TMX4: variants seen among roughly 807,000 people sequenced by gnomAD.
The protein encoded by TMX4 is thioredoxin related transmembrane protein 4.
Under a neutral mutation model 33.3 loss-of-function variants are expected in TMX4, and 23 were observed. The ratio of observed to expected loss-of-function variants is 0.69; its 90% confidence interval spans 0.50 to 0.98. TMX4 has a LOEUF of 0.98. Among genes scored for constraint, TMX4 ranks in the 50% least tolerant of loss-of-function variants. The pLI, the probability that TMX4 is intolerant of heterozygous loss-of-function variation, is 0.00. For missense variants in TMX4, 399 were observed against 448.9 expected (o/e 0.89, Z 1.01); for synonymous variants, 164 against 161.5 (o/e 1.02, Z -0.12).
intron 1 of TMX4, among the ~76,000 whole-genome samples, chr20:8,015,148 A>C (rs1235514550): frequency 4.6e-5 from 7 of 152,160 alleles, no homozygotes; most frequent in African/African-American, 1.7e-4. Flanking sequence ...GATGATGAGG[A>C]AGTGGAGGAG....
chr20:7,990,983 C>T (rs1039213891), intron 5 of TMX4, among the ~76,000 whole-genome samples: 17 of 151,998 alleles, frequency 1.1e-4, no homozygotes, highest in South Asian at 2.1e-4. Context: ...CATTTTTATA[C>T]GAAAAAAACA....
intron 1 of TMX4, among the ~76,000 whole-genome samples, chr20:8,014,852 G>T (rs1278481105): frequency 6.6e-6 from 1 of 152,188 alleles, no homozygotes; most frequent in Non-Finnish European, 1.5e-5. Context: ...CTAGCTGAGG[G>T]CCAAAGCAAG....
Position 7,992,735 on chromosome 20 carries a change from T to A in TMX4, c.513+3291A>T, listed in dbSNP as rs950126723. ...TCTCCAGAATGTGCAACCTAGCAAG[T>A]TGGCTTCACTTCTAAGGCAGAAAGA... is the stretch of plus-strand genomic sequence containing the variant. On this transcript the variant is annotated intron_variant, in intron 5 of 7. Transcript: ENST00000246024. Among the ~76,000 whole-genome samples the A allele has an allele frequency of 4.6e-5, 7 of 152,168 alleles. No individual in the cohort carries two copies. The South Asian group carries it at 1.0e-3, about 23-fold the overall frequency.
intron 5 of TMX4, among the ~76,000 whole-genome samples, chr20:7,988,762 T>C (rs2050641062): frequency 1.3e-5 from 2 of 152,308 alleles, no homozygotes; most frequent in South Asian, 4.2e-4. Context: ...CGGTGACTCA[T>C]GCCTGTAATC....
Position 7,984,076 on chromosome 20 carries a change from A to T in TMX4, c.616-219T>A, listed in dbSNP as rs997248389. On this transcript the variant is annotated intron_variant, in intron 6 of 7. Transcript: ENST00000246024. ...TAATTTAGAAAGTGGTCACAAAGCC[A>T]AAAGTCTACAGAGAACCCACTATAA... is the stretch of plus-strand genomic sequence containing the variant. Among the ~76,000 whole-genome samples, 4 of 152,390 alleles carry T rather than the reference A, an allele frequency of 2.6e-5. No individual in the cohort carries two copies. The South Asian group carries it at 8.3e-4, about 32-fold the overall frequency.
intron 2 of TMX4, among the ~76,000 whole-genome samples, chr20:8,006,314 C>T (rs1336742045): frequency 6.6e-6 from 1 of 152,182 alleles, no homozygotes; most frequent in East Asian, 1.9e-4. Context: ...AATAGATCTA[C>T]TGATGGAAGA....
intron 1 of TMX4, among the ~76,000 whole-genome samples, chr20:8,018,481 G>GGGGAGA (rs2050791898): frequency 7.3e-5 from 1 of 13,710 alleles, no homozygotes; most frequent in Non-Finnish European, 1.2e-4. Flanking sequence ...GGAGGGAGGG[G>GGGGAGA]GAGAGAGAGA....
In TMX4 at chr20:8,007,652, T is replaced by C. The variant is rs745792906; in HGVS notation, c.292+2548A>G. ...CTCAAGTACTCCACTGGTGGTCCTA[T>C]TGTTCTCCAAATAAGCCAAGTACAC... is the stretch of plus-strand genomic sequence containing the variant. On this transcript the variant is annotated intron_variant, in intron 2 of 7. Transcript: ENST00000246024. Among the ~76,000 whole-genome samples, 39 of 152,302 alleles carry C rather than the reference T, an allele frequency of 2.6e-4. 1 individual carries two copies. Among genetic ancestry groups the C allele is most frequent in the African/African-American group, 6.7e-4 (28 of 41,566 alleles).
At position 7,980,706 on chromosome 20, in the gene TMX4, A is replaced by G. The variant is rs970678753; in HGVS notation, c.*1545T>C. ...TGAATTGGAAAGATGAAAAAGAACC[A>G]TCTCTAAAAGTTGATGCTGTCAGAA... On this transcript the variant is annotated 3_prime_UTR_variant, in exon 8 of 8. Coordinates refer to ENST00000246024, the MANE Select transcript of TMX4 (RefSeq NM_021156.4). 3.3e-5 allele frequency: 5 copies of G among 152,372 alleles called. No homozygotes were observed. Among genetic ancestry groups the G allele is most frequent in the African/African-American group, 1.2e-4 (5 of 41,582 alleles). 9.4% of individuals were successfully genotyped at this position (152,372 alleles called of 1,614,324 possible).
rs1460075768 is a variant in TMX4 at position 7,987,359 on chromosome 20, C to T, written c.544G>A (p.Gly182Arg). The change falls in exon 6 of 8, where the codon GGA (glycine) becomes AGA (arginine). Residue 182 changes from glycine to arginine, a missense_variant. Coordinates refer to ENST00000246024, the MANE Select transcript of TMX4 (RefSeq NM_021156.4). ...ACATAAGAACACCAAGCAGGAATTCCAAGAGTCACTGTGAAATAGTTGTGA... is the reference window on the plus strand; with the variant it reads ...ACATAAGAACACCAAGCAGGAATTCTAAGAGTCACTGTGAAATAGTTGTGA... ...HLHNYFTVTL[G>R]IPAWCSYVFF... is the part of the protein sequence containing the mutation. 2 of 1,593,410 alleles carry T rather than the reference C, an allele frequency of 1.3e-6. No individual in the cohort carries two copies. Among genetic ancestry groups the T allele is most frequent in the African/African-American group, 1.4e-5 (1 of 73,480 alleles).
At chr20:8,006,628 G>C (rs2050731675) in intron 2 of TMX4, among the ~76,000 whole-genome samples, 1 of 152,152 alleles carries the variant, frequency 6.6e-6, no homozygotes. Context: ...TGCCCTGGAG[G>C]CTTGCCAGTG....
chr20:7,991,179 T>C (rs2050652994), intron 5 of TMX4, among the ~76,000 whole-genome samples: 1 of 152,184 alleles, frequency 6.6e-6, no homozygotes, highest in South Asian at 2.1e-4. Flanking sequence ...ACACAGATTG[T>C]CCTCCCAAGG....
At chr20:7,996,500 C>G (rs2050677065) in intron 4 of TMX4, among the ~76,000 whole-genome samples, 1 of 152,174 alleles carries the variant, frequency 6.6e-6, no homozygotes, top group South Asian at 2.1e-4. Context: ...CCCATGTACT[C>G]AGCTAACAAG....
intron 6 of TMX4, 89 bp downstream of exon 6, chr20:7,987,199 T>TA: frequency 1.1e-6 from 1 of 933,374 alleles, no homozygotes. Context: ...TACTATTTTT[T>TA]ATGTGCTTTT....
intron 5 of TMX4, among the ~76,000 whole-genome samples, chr20:7,991,619 G>A (rs553506784): frequency 6.9e-4 from 105 of 152,150 alleles, no homozygotes; most frequent in African/African-American, 2.4e-3. Context: ...CAACTGCCAC[G>A]GAACCCTATT....
chr20:7,994,505 AT>A (rs2050667863), intron 5 of TMX4, among the ~76,000 whole-genome samples: 1 of 152,212 alleles, frequency 6.6e-6, no homozygotes, highest in South Asian at 2.1e-4. Flanking sequence ...TAAGCTCCAA[AT>A]TACAAGCTAT....
intron 3 of TMX4, among the ~76,000 whole-genome samples, chr20:8,000,929 T>C (rs2122868209): frequency 6.6e-6 from 1 of 152,292 alleles, no homozygotes; most frequent in Non-Finnish European, 1.5e-5. Context: ...TACTAGTTAG[T>C]TACACATGGC....
At chr20:7,989,191 A>G (rs184881891) in intron 5 of TMX4, among the ~76,000 whole-genome samples, 51 of 152,272 alleles carry the variant, frequency 3.3e-4, no homozygotes, top group African/African-American at 1.0e-3. Context: ...CTTTTCTCGG[A>G]GGACTCAGTA....
At position 8,001,612 on chromosome 20, in the gene TMX4, C is replaced by A; in HGVS notation, c.293-71G>T. ...AAAAAAGCATTCTTGAGCTTACTTTCATAATCACATTATTAAAATCACTGC... is the reference window on the plus strand; with the variant it reads ...AAAAAAGCATTCTTGAGCTTACTTTAATAATCACATTATTAAAATCACTGC... On this transcript the variant is annotated intron_variant, in intron 2 of 7. Coordinates refer to ENST00000246024, the MANE Select transcript of TMX4 (RefSeq NM_021156.4). 8.8e-6 allele frequency: 12 copies of A among 1,359,576 alleles called. 1 individual carries two copies. The South Asian group carries it at 1.6e-4, about 18-fold the overall frequency. The allele number at this position is 1,359,576 out of a possible 1,614,324, so 84.2% of individuals were successfully genotyped here. A position where few individuals can be genotyped will look rare whatever the true frequency, so the allele number is the denominator to read the frequency against.
Sources: gnomAD v4.1 joint callset for allele counts (sites outside exome capture counted in the v4.1 genomes callset) on GRCh38, gnomAD v4.1.1 for gene constraint, MANE v1.5 for transcripts, NCBI Gene and HGNC (gene_info 2026-07-23, HGNC 2026-07-21) for gene names.